The following PPM1F variants were observed in gnomAD, a reference collection of about 807,000 sequenced individuals.
PPM1F encodes the protein protein phosphatase, Mg2+/Mn2+ dependent 1F.
A neutral mutation model predicts 35.5 loss-of-function variants in PPM1F; 17 were observed. The observed-to-expected ratio is 0.48, with a 90% CI of 0.33 to 0.72. The LOEUF (loss-of-function observed/expected upper bound fraction) is 0.72. Among genes scored for constraint, PPM1F ranks in the 30% least tolerant of loss-of-function variants. The pLI is 0.02. For missense variants in PPM1F, 521 were observed against 613.0 expected (o/e 0.85, Z 1.59); for synonymous variants, 241 against 255.5 (o/e 0.94, Z 0.54).
rs142002832 is a variant in PPM1F at position 21,946,005 on chromosome 22, C to A, written c.44G>T (p.Gly15Val). 16 of 1,596,828 alleles carry A rather than the reference C, an allele frequency of 1.0e-5. No individual in the cohort carries two copies. Among genetic ancestry groups the A allele is most frequent in the Non-Finnish European group, 1.4e-5 (16 of 1,170,646 alleles). Residue 15 changes from glycine to valine, a missense_variant, in exon 2 of 8, where the codon GGA (glycine) becomes GTA (valine). Gly to Val is a moderately radical substitution (Grantham distance 109). Transcript: ENST00000263212. ...APQKSSPMAS[G>V]AEETPGFLDT... ...CAGGAAGCCTGGGGTCTCCTCAGCT[C>A]CACTGGCCATTGGGCTGCTCTTCTG...
rs2070438068 is a variant in PPM1F, at chr22:21,920,728, A to T, written c.*2364T>A. On this transcript the variant is annotated 3_prime_UTR_variant, in exon 8 of 8. Transcript: ENST00000263212. ...CTGCGAGATCTTCCAGTGGAGCCTC[A>T]GGCTAGGGTATGAATCAGACCACCA... 1 of 152,250 alleles carries T rather than the reference A, an allele frequency of 6.6e-6. No individual in the cohort carries two copies. The highest frequency in any genetic ancestry group is 2.4e-5 in the African/African-American group (1 of 41,452). The allele number at this position is 152,250 out of a possible 1,614,324, so 9.4% of individuals were successfully genotyped here. A position where few individuals can be genotyped will look rare whatever the true frequency, so the allele number is the denominator to read the frequency against.
chr22:21,942,137 G>GCCGACACTC (rs925387560), intron 2 of PPM1F: 14 of 152,382 alleles, frequency 9.2e-5, no homozygotes, highest in African/African-American at 2.9e-4. Context: ...TCTGCACTGG[G>GCCGACACTC]CCGACACTCC....
chr22:21,947,228 G>GC (rs768981559), intron 1 of PPM1F: 4 of 152,412 alleles, frequency 2.6e-5, no homozygotes, highest in Admixed American at 6.6e-5. Flanking sequence ...GCTCTCCAGC[G>GC]CCCCCCCTTC....
Position 21,923,173 on chromosome 22 carries a change from C to A in PPM1F, c.1284G>T (p.Gly428=). ...GCCTCCTCCCTTCTGCCTGGGGGTC[C>A]CCTTCTCCCTGGTTCCCGCCCTCCA... ...ELLEGGNQGE[G]DPQAEGRRQD... The change falls in exon 8 of 8, where the codon GGG becomes GGT. Residue 428 remains glycine (G), a synonymous_variant. Coordinates refer to ENST00000263212, the MANE Select transcript of PPM1F (RefSeq NM_014634.4). 6.2e-7 allele frequency: 1 copy of A among 1,613,688 alleles called. No individual in the cohort carries two copies. Among genetic ancestry groups the A allele is most frequent in the Non-Finnish European group, 8.5e-7 (1 of 1,179,964 alleles).
rs923315994 is a variant in PPM1F, at chr22:21,938,661, T to A, written c.355+871A>T. On this transcript the variant is annotated intron_variant, in intron 3 of 7. Transcript: ENST00000263212. The stretch of plus-strand genomic sequence containing the variant: ...CAAGGAAGGGAAAATCCACTGCAAC[T>A]CTGCTGCCTGCTGGCCTGTCCAGGG... 15 of 965,262 alleles carry A rather than the reference T, an allele frequency of 1.6e-5. No individual in the cohort carries two copies. The African/African-American group carries it at 2.5e-4, about 16-fold the overall frequency. 59.8% of individuals were successfully genotyped at this position (965,262 alleles called of 1,614,324 possible). A position where few individuals can be genotyped will look rare whatever the true frequency, so the allele number is the denominator to read the frequency against.
intron 6 of PPM1F, among the ~76,000 whole-genome samples, chr22:21,929,356 C>G (rs1344520794): frequency 6.6e-6 from 1 of 152,194 alleles, no homozygotes; most frequent in South Asian, 2.1e-4. Flanking sequence ...AAGCTCTGAT[C>G]TCTGTGCTCC....
Position 21,945,938 on chromosome 22 carries a change from C to G in PPM1F, c.111G>C (p.Glu37Asp), listed in dbSNP as rs2070772907. The change falls in exon 2 of 8, where the codon GAG (glutamate) becomes GAC (aspartate). Residue 37 changes from glutamate (E) to aspartate (D), a missense_variant. Glu to Asp is a conservative substitution (Grantham distance 45). This residue lies in a region of PPM1F where 311 missense variants were observed against 351.5 expected (regional missense o/e 0.88). Transcript: ENST00000263212. ...CTGGGGCCTTCCATGGCAGAGGGTC[C>G]TCTGGGTTCAGCAGGGCTGGGAAGT... ...LQDFPALLNP[E>D]DPLPWKAPGT... is the part of the protein sequence containing the mutation. 1 of 1,612,994 alleles carries G rather than the reference C, an allele frequency of 6.2e-7. No individual in the cohort carries two copies. Among genetic ancestry groups the G allele is most frequent in the Non-Finnish European group, 8.5e-7 (1 of 1,179,488 alleles).
intron 2 of PPM1F, among the ~76,000 whole-genome samples, chr22:21,940,948 G>C (rs2070718770): frequency 6.6e-6 from 1 of 152,160 alleles, no homozygotes; most frequent in South Asian, 2.1e-4. Context: ...TCCCAGGCTG[G>C]AGCACAGCTG....
chr22:21,922,772 T>C lies in PPM1F; in HGVS notation c.*320A>G, dbSNP rs1041809628. On this transcript the variant is annotated 3_prime_UTR_variant, in exon 8 of 8. Coordinates refer to ENST00000263212, the MANE Select transcript of PPM1F (RefSeq NM_014634.4). ...AACCATGCTGCCCCATGCACACCAG[T>C]GTCTTTGGTTTGGCTGCCGTTGGGC... is the stretch of plus-strand genomic sequence containing the variant. 3.4e-6 allele frequency: 1 copy of C among 294,516 alleles called. No homozygotes were observed. Among genetic ancestry groups the C allele is most frequent in the Non-Finnish European group, 6.3e-6 (1 of 158,284 alleles). 18.2% of individuals were successfully genotyped at this position (294,516 alleles called of 1,614,324 possible).
At chr22:21,925,924 C>A in intron 6 of PPM1F, 1 of 405,272 alleles carries the variant, frequency 2.5e-6, no homozygotes, top group East Asian at 3.7e-5. Context: ...GGTGCCTGCG[C>A]CCCTGGGCAG....
Position 21,931,301 on chromosome 22 carries a change from G to C in PPM1F, c.748-10C>G, listed in dbSNP as rs771535805. The C allele has an allele frequency of 2.5e-5, 41 of 1,610,400 alleles. No homozygotes were observed. In the South Asian group the frequency reaches 4.4e-4, roughly 17 times the overall value. On this transcript the variant is annotated splice_polypyrimidine_tract_variant and intron_variant, in intron 5 of 7. Coordinates refer to ENST00000263212, the MANE Select transcript of PPM1F (RefSeq NM_014634.4). ...TGCCGCTCTGCAGCCGCTGCAGGGAGAGAGGGCCCATGAGAGTTGAGAGGA... is the reference window on the plus strand; with the variant it reads ...TGCCGCTCTGCAGCCGCTGCAGGGACAGAGGGCCCATGAGAGTTGAGAGGA...
At chr22:21,928,548 C>T (rs2070548121) in intron 6 of PPM1F, among the ~76,000 whole-genome samples, 1 of 152,162 alleles carries the variant, frequency 6.6e-6, no homozygotes, top group Non-Finnish European at 1.5e-5. Context: ...GTGGTCTTCT[C>T]CCCTGCCCCG....
chr22:21,924,320 T>G (rs1294430117), intron 7 of PPM1F, among the ~76,000 whole-genome samples: 3 of 150,830 alleles, frequency 2.0e-5, no homozygotes, highest in Non-Finnish European at 4.4e-5. Context: ...CAGGCTGCAG[T>G]GCAATGGTGC....
chr22:21,947,990 T>C (rs995594941), intron 1 of PPM1F: 1 of 152,218 alleles, frequency 6.6e-6, no homozygotes, highest in African/African-American at 2.4e-5. Context: ...ACCCTTCTCT[T>C]CTTTTAGAGG....
At position 21,939,490 on chromosome 22, in the gene PPM1F, G is replaced by C. The variant is rs2070700061; in HGVS notation, c.355+42C>G. ...ACAATGTCGTCACCCTTTGTTGCCT[G>C]CTAAGCAGCCCTGGGGCCACCTCAG... On this transcript the variant is annotated intron_variant, in intron 3 of 7. Coordinates refer to ENST00000263212, the MANE Select transcript of PPM1F (RefSeq NM_014634.4). This position sits in a 1 kb window ranked among gnomAD's most constrained non-coding sequence, Gnocchi z 5.1. The C allele has an allele frequency of 6.2e-7, 1 of 1,606,772 alleles. No homozygotes were observed. The highest frequency in any genetic ancestry group is 8.5e-7 in the Non-Finnish European group (1 of 1,176,104).
intron 2 of PPM1F, chr22:21,942,101 G>A (rs2070731729): frequency 6.6e-6 from 1 of 152,360 alleles, no homozygotes. Context: ...GGGGTCAGGG[G>A]AGCATGCCTG....
intron 5 of PPM1F, among the ~76,000 whole-genome samples, chr22:21,931,816 C>T (rs912155063): frequency 6.7e-6 from 1 of 149,760 alleles, no homozygotes; most frequent in Non-Finnish European, 1.5e-5. Flanking sequence ...CTGCGCCTGG[C>T]TATTTATTTA....
At chr22:21,927,942 GTTTTTTTTTTTT>G (rs60216371) in intron 6 of PPM1F, among the ~76,000 whole-genome samples, 57 of 75,150 alleles carry the variant, frequency 7.6e-4, no homozygotes, top group African/African-American at 2.6e-3. Context: ...TTTTTGTTTT[GTTTTTTTTTTTT>G]TTTTTTTTTT....
chr22:21,941,381 C>G (rs1230415037), intron 2 of PPM1F: 2 of 152,508 alleles, frequency 1.3e-5, no homozygotes, highest in African/African-American at 4.8e-5. Context: ...CAGACAGAGT[C>G]GGGCAGTATA....
Sources: gnomAD v4.1 joint callset for allele counts (sites outside exome capture counted in the v4.1 genomes callset) on GRCh38, gnomAD v4.1.1 for gene constraint, gnomAD v4.1.1 regional missense constraint, Gnocchi (gnomAD v3.1) non-coding constraint, MANE v1.5 for transcripts, NCBI Gene and HGNC (gene_info 2026-07-23, HGNC 2026-07-21) for gene names.